Variants in LRRC37A2 observed in about 807,000 individuals in gnomAD.
The protein encoded by LRRC37A2 is leucine rich repeat containing 37 member A2.
In LRRC37A2, 9 loss-of-function variants were observed where a neutral mutation model predicts 68.8. The observed-to-expected ratio is 0.13, with a 90% CI of 0.08 to 0.23. The LOEUF is 0.23. LRRC37A2 is among the 10% of genes least tolerant of loss of function. The probability of loss-of-function intolerance (pLI) is 1.00; values close to 1 mark genes in which losing one functional copy is unlikely to be tolerated. For synonymous variants in LRRC37A2, 63 were observed against 367.6 expected, an observed-to-expected ratio of 0.17 and a Z score of 9.48; for missense variants, 168 against 950.4, an observed-to-expected ratio of 0.18 and a Z score of 10.82.
chr17:46,822,932 C>G, the LRRC37A2 span, among the ~76,000 whole-genome samples: 30 of 151,428 alleles, frequency 2.0e-4, no homozygotes, highest in South Asian at 1.3e-3. Context: ...GAGAGGTTCT[C>G]CCTGTGGCAG....
At chr17:46,687,753 T>A in the LRRC37A2 span, among the ~76,000 whole-genome samples, 1 of 129,436 alleles carries the variant, frequency 7.7e-6, no homozygotes, top group African/African-American at 3.0e-5. Flanking sequence ...TTTCAGTCTG[T>A]CATGATAGTA....
At chr17:46,950,797 T>G in the LRRC37A2 span, among the ~76,000 whole-genome samples, 1 of 152,056 alleles carries the variant, frequency 6.6e-6, no homozygotes, top group African/African-American at 2.4e-5. Context: ...ATCAAAACTG[T>G]CCAGTTCCAA....
At chr17:46,747,443 G>A in the LRRC37A2 span, among the ~76,000 whole-genome samples, 1 of 151,870 alleles carries the variant, frequency 6.6e-6, no homozygotes, top group Non-Finnish European at 1.5e-5. Context: ...ACCACACCCG[G>A]CTAATTTTGG....
the LRRC37A2 span, chr17:46,722,197 T>A: frequency 1.9e-6 from 3 of 1,592,720 alleles, no homozygotes; most frequent in Non-Finnish European, 2.6e-6. Context: ...TTGCAGCGCC[T>A]GCTTAGGAAG....
At chr17:46,989,306 G>A in the LRRC37A2 span, among the ~76,000 whole-genome samples, 6 of 152,164 alleles carry the variant, frequency 3.9e-5, no homozygotes, top group East Asian at 1.9e-4. Context: ...ATCCCACGGC[G>A]GGACACAAGC....
the LRRC37A2 span, among the ~76,000 whole-genome samples, chr17:46,633,902 A>T: frequency 1.5e-4 from 11 of 74,664 alleles, no homozygotes; most frequent in East Asian, 1.7e-3. Context: ...ACAGAGTTTC[A>T]CTCTTGTTGC....
chr17:46,438,304 A>G, the LRRC37A2 span, among the ~76,000 whole-genome samples: 1 of 72,184 alleles, frequency 1.4e-5, no homozygotes, highest in East Asian at 2.3e-4. Context: ...CAAAAGATCG[A>G]ACCCTTTTTT....
At chr17:47,035,407 C>T in the LRRC37A2 span, among the ~76,000 whole-genome samples, 62,836 of 150,176 alleles carry the variant, frequency 0.42, 12,822 homozygotes, top group Non-Finnish European at 0.49. Context: ...TTCATATAAA[C>T]GAATCATACA....
the LRRC37A2 span, among the ~76,000 whole-genome samples, chr17:46,945,715 C>G: frequency 6.6e-6 from 1 of 152,156 alleles, no homozygotes; most frequent in Non-Finnish European, 1.5e-5. Context: ...TTCTGGCCTC[C>G]TCTAAGAGTT....
the LRRC37A2 span, among the ~76,000 whole-genome samples, chr17:46,742,190 C>T: frequency 1.3e-5 from 2 of 152,214 alleles, no homozygotes; most frequent in East Asian, 3.8e-4. Context: ...TGGCACGAAG[C>T]ATACATGCCG....
chr17:46,829,378 C>T, the LRRC37A2 span, among the ~76,000 whole-genome samples: 2 of 152,156 alleles, frequency 1.3e-5, no homozygotes, highest in Non-Finnish European at 2.9e-5. Flanking sequence ...CCATGTTGGC[C>T]AGGCTGGTCT....
the LRRC37A2 span, among the ~76,000 whole-genome samples, chr17:46,450,648 G>C: frequency 6.7e-5 from 1 of 14,910 alleles, no homozygotes; most frequent in Non-Finnish European, 1.5e-4. Context: ...AAACAGAAGA[G>C]AACTTCTTCA....
the LRRC37A2 span, among the ~76,000 whole-genome samples, chr17:46,758,932 G>A: frequency 4.6e-5 from 7 of 152,134 alleles, no homozygotes; most frequent in African/African-American, 1.4e-4. Flanking sequence ...GCAGCCGGGC[G>A]CAGTAGCTCA....
chr17:46,712,706 T>C, the LRRC37A2 span, among the ~76,000 whole-genome samples: 1 of 151,840 alleles, frequency 6.6e-6, no homozygotes, highest in African/African-American at 2.4e-5. Flanking sequence ...ACAGTGAGGG[T>C]GTGGGTTGAG....
the LRRC37A2 span, chr17:46,773,881 A>T: frequency 6.2e-7 from 1 of 1,612,316 alleles, no homozygotes. Flanking sequence ...GAGCCCAGAG[A>T]TGTGTACTGC....
chr17:46,810,507 C>T, the LRRC37A2 span, among the ~76,000 whole-genome samples: 1 of 152,190 alleles, frequency 6.6e-6, no homozygotes, highest in Non-Finnish European at 1.5e-5. Flanking sequence ...AAAGATTATT[C>T]CACCTGAAGC....
chr17:46,599,885 A>G, the LRRC37A2 span, among the ~76,000 whole-genome samples: 1 of 109,810 alleles, frequency 9.1e-6, no homozygotes, highest in Non-Finnish European at 1.7e-5. Context: ...ATAATAATAA[A>G]TAAAAAATAG....
the LRRC37A2 span, among the ~76,000 whole-genome samples, chr17:46,776,148 G>A: frequency 2.6e-5 from 4 of 152,342 alleles, no homozygotes; most frequent in African/African-American, 9.6e-5. Context: ...TCAGACTCCA[G>A]AGCCCATGGG....
At chr17:46,657,265 G>A in the LRRC37A2 span, among the ~76,000 whole-genome samples, 46 of 125,432 alleles carry the variant, frequency 3.7e-4, no homozygotes, top group Middle Eastern at 0.014. Flanking sequence ...GACATGCACT[G>A]CCAAATTTAG....
Sources: allele counts gnomAD v4.1 joint callset (sites outside exome capture counted in the v4.1 genomes callset), GRCh38; gene constraint gnomAD v4.1.1; transcripts MANE v1.5; gene names NCBI Gene and HGNC (gene_info 2026-07-23, HGNC 2026-07-21).